RSPRY1: variants seen among roughly 807,000 people sequenced by gnomAD.
The protein encoded by RSPRY1 is RING finger and SPRY domain-containing protein 1.
Under a neutral mutation model 73.1 loss-of-function variants are expected in RSPRY1, and 23 were observed. The observed-to-expected ratio is 0.31, with a 90% confidence interval of 0.23 to 0.45. The LOEUF (loss-of-function observed/expected upper bound fraction) is 0.45, where lower values mean the gene tolerates loss of function less well. RSPRY1 is among the 20% of genes least tolerant of loss of function. The pLI is 1.00. For synonymous variants in RSPRY1, 226 were observed against 251.4 expected (o/e 0.90, Z 0.95); for missense variants, 448 against 698.7 (o/e 0.64, Z 4.05).
chr16:57,219,428 T>C (rs144303050), intron 8 of RSPRY1, among the ~76,000 whole-genome samples: 58 of 152,378 alleles, frequency 3.8e-4, no homozygotes, highest in African/African-American at 1.3e-3. Context: ...TGAGTACCTT[T>C]TCATATATCT....
intron 13 of RSPRY1, among the ~76,000 whole-genome samples, chr16:57,233,735 C>T (rs865922242): frequency 3.3e-5 from 5 of 152,132 alleles, no homozygotes; most frequent in Admixed American, 6.5e-5. Context: ...GTATCCTTGA[C>T]ACCTTACTTT....
chr16:57,230,846 A>G (rs1200834803), intron 12 of RSPRY1, 33 bp downstream of exon 12: 1 of 1,240,988 alleles, frequency 8.1e-7, no homozygotes, highest in Non-Finnish European at 1.2e-6. Context: ...AAATTCGAGT[A>G]GATGCACGGA....
chr16:57,227,572 T>C, intron 11 of RSPRY1, 119 bp downstream of exon 11: 1 of 710,842 alleles, frequency 1.4e-6, no homozygotes, highest in Admixed American at 2.1e-5. Context: ...AAAAGGGATA[T>C]TAACTTTTGT....
intron 14 of RSPRY1, among the ~76,000 whole-genome samples, chr16:57,237,627 C>A (rs1409538734): frequency 6.6e-6 from 1 of 152,106 alleles, no homozygotes; most frequent in Non-Finnish European, 1.5e-5. Flanking sequence ...ATGGATACTT[C>A]CATAACAATA....
intron 1 of RSPRY1, among the ~76,000 whole-genome samples, chr16:57,203,188 C>G (rs963123211): frequency 6.6e-6 from 1 of 151,914 alleles, no homozygotes; most frequent in Non-Finnish European, 1.5e-5. Flanking sequence ...CCCAGTTACT[C>G]GAGAGGCTGA....
intron 1 of RSPRY1, among the ~76,000 whole-genome samples, chr16:57,190,088 CTGGGCATGG>C (rs1388874357): frequency 1.3e-5 from 2 of 152,216 alleles, no homozygotes; most frequent in South Asian, 4.1e-4. Flanking sequence ...GAAGTTATGG[CTGGGCATGG>C]TGGCTCACAC....
In RSPRY1 at chr16:57,238,999, C is replaced by CT. The variant is rs1166196421; in HGVS notation, c.*30dup. ...GACACATGTGAAGAGGCATCGTGGA[C>CT]TTTTTTCTACTCAATTCCAGCCAAT... On this transcript the variant is annotated 3_prime_UTR_variant, in exon 15 of 15. Coordinates refer to ENST00000394420, the MANE Select transcript of RSPRY1 (RefSeq NM_133368.3). 3.2e-6 allele frequency: 4 copies of CT among 1,250,850 alleles called. No individual in the cohort carries two copies. Among genetic ancestry groups the CT allele is most frequent in the South Asian group, 1.3e-5 (1 of 76,710 alleles). 77.5% of individuals were successfully genotyped at this position (1,250,850 alleles called of 1,614,324 possible). A position where few individuals can be genotyped will look rare whatever the true frequency, so the allele number is the denominator to read the frequency against.
At chr16:57,199,520 A>G (rs1322515327) in intron 1 of RSPRY1, among the ~76,000 whole-genome samples, 1 of 152,178 alleles carries the variant, frequency 6.6e-6, no homozygotes, top group Non-Finnish European at 1.5e-5. Flanking sequence ...GTTTGAAAGT[A>G]TATAATAATA....
rs1262429882 is a variant in RSPRY1, at chr16:57,240,461, C to CT, written c.*1492dup. ...CATTGAAGAATAAAACATCTGTTGC[C>CT]TTTTTTGACTAAGATTTCACAACTT... On this transcript the variant is annotated 3_prime_UTR_variant, in exon 15 of 15. Coordinates refer to ENST00000394420, the MANE Select transcript of RSPRY1 (RefSeq NM_133368.3). The CT allele has an allele frequency of 6.6e-6, 1 of 151,960 alleles. No individual in the cohort carries two copies. The highest frequency in any genetic ancestry group is 1.5e-5 in the Non-Finnish European group (1 of 68,000). The allele number at this position is 151,960 out of a possible 1,614,324, so 9.4% of individuals were successfully genotyped here. A position where few individuals can be genotyped will look rare whatever the true frequency, so the allele number is the denominator to read the frequency against.
At chr16:57,207,948 G>C in intron 2 of RSPRY1, 110 bp from the exon 3 acceptor site, 1 of 700,830 alleles carries the variant, frequency 1.4e-6, no homozygotes, top group South Asian at 1.7e-5. Context: ...CCTTACATTT[G>C]TGTTCATTTC....
intron 10 of RSPRY1, among the ~76,000 whole-genome samples, chr16:57,223,392 C>G (rs1340349485): frequency 7.2e-5 from 11 of 152,208 alleles, no homozygotes; most frequent in African/African-American, 2.7e-4. Context: ...GTTCAGGTAA[C>G]CTACAGAACA....
At chr16:57,205,080 C>G in intron 2 of RSPRY1, 72 bp downstream of exon 2, 3 of 1,137,576 alleles carry the variant, frequency 2.6e-6, no homozygotes, top group Non-Finnish European at 3.8e-6. Context: ...CTTTAGGACT[C>G]CTTCAGTTCC....
chr16:57,208,438 C>T (rs111474316), intron 3 of RSPRY1, among the ~76,000 whole-genome samples: 51,385 of 132,982 alleles, frequency 0.39, 10,223 homozygotes, highest in South Asian at 0.5. Context: ...CACTCTGTTG[C>T]CCAGGCTGGA....
At chr16:57,186,209 C>G (rs908242864), upstream of RSPRY1, 1 of 980,022 alleles carries the variant, frequency 1.0e-6, no homozygotes. Flanking sequence ...GCCGGTCCCG[C>G]TGATCACGTG....
intron 1 of RSPRY1, among the ~76,000 whole-genome samples, chr16:57,199,628 G>T (rs1436830997): frequency 6.6e-6 from 1 of 152,178 alleles, no homozygotes; most frequent in East Asian, 1.9e-4. Flanking sequence ...CATTCCATAG[G>T]CCTGTGCAGC....
In RSPRY1 at chr16:57,221,268, C is replaced by T. The variant is rs753980893; in HGVS notation, c.1018-4C>T. ...TTGATTGACACATTTTTTGGTTTTGCCAGGCTCGCTGTGATGCCTCCTCTT... is the reference window on the plus strand; with the variant it reads ...TTGATTGACACATTTTTTGGTTTTGTCAGGCTCGCTGTGATGCCTCCTCTT... On this transcript the variant is annotated splice_polypyrimidine_tract_variant and splice_region_variant and intron_variant, in intron 9 of 14. Coordinates refer to ENST00000394420, the MANE Select transcript of RSPRY1 (RefSeq NM_133368.3). 14 of 1,611,264 alleles carry T rather than the reference C, an allele frequency of 8.7e-6. No homozygotes were observed. The highest frequency in any genetic ancestry group is 1.3e-5 in the African/African-American group (1 of 74,650).
intron 12 of RSPRY1, among the ~76,000 whole-genome samples, 167 bp downstream of exon 12, chr16:57,230,980 G>C (rs1384980231): frequency 1.3e-5 from 2 of 152,196 alleles, no homozygotes; most frequent in African/African-American, 4.8e-5. Context: ...CCCAAAGTTT[G>C]ATACAGGAAG....
rs532577746 is a variant in RSPRY1 at position 57,186,385 on chromosome 16, C to T, written c.-222C>T. 6.2e-4 allele frequency: 103 copies of T among 165,112 alleles called. No homozygotes were observed. Among genetic ancestry groups the T allele is most frequent in the African/African-American group, 2.5e-3 (103 of 41,702 alleles). 10.2% of individuals were successfully genotyped at this position (165,112 alleles called of 1,614,324 possible). The stretch of plus-strand genomic sequence containing the variant: ...CGTCCATCTTTGCCGTTCTCTCGGA[C>T]CTGTCACAAAGGAGTCGCGCCGCCG... On this transcript the variant is annotated 5_prime_UTR_variant, in exon 1 of 15. Coordinates refer to ENST00000394420, the MANE Select transcript of RSPRY1 (RefSeq NM_133368.3).
chr16:57,186,713 C>G (rs1203680135), intron 1 of RSPRY1: 2 of 151,692 alleles, frequency 1.3e-5, no homozygotes, highest in African/African-American at 4.9e-5. Context: ...GGTGTTCCCT[C>G]TTTCGGGGGT....
Sources: gnomAD v4.1 joint callset for allele counts (sites outside exome capture counted in the v4.1 genomes callset) on GRCh38, gnomAD v4.1.1 for gene constraint, MANE v1.5 for transcripts, NCBI Gene and HGNC (gene_info 2026-07-23, HGNC 2026-07-21) for gene names.